Variants in MDN1 observed in about 807,000 individuals in gnomAD.
The protein encoded by MDN1 is midasin AAA ATPase 1.
A neutral mutation model predicts 669.2 loss-of-function variants in MDN1; 266 were observed. That is an observed-to-expected ratio of 0.40 (90% CI 0.36 to 0.44). The LOEUF is 0.44. Among genes scored for constraint, MDN1 ranks in the 20% least tolerant of loss-of-function variants. The probability of loss-of-function intolerance (pLI) is 1.00; values close to 1 mark genes in which losing one functional copy is unlikely to be tolerated. For synonymous variants in MDN1, 2,385 were observed against 2,457.1 expected, an observed-to-expected ratio of 0.97 and a Z score of 0.87; for missense variants, 5,940 against 6,754.0, an observed-to-expected ratio of 0.88 and a Z score of 4.22.
Position 89,658,093 on chromosome 6 carries a change from CAAACAACAAAAT to C in MDN1, c.15183+104_15183+115del, listed in dbSNP as rs1809453304. On this transcript the variant is annotated intron_variant, in intron 90 of 101. Transcript: ENST00000369393. ...GGTCTGTTAGATGTCAACAACAAAA[CAAACAACAAAAT>C]AACCAAACATAAACCAACTAATGCT... 4 of 1,305,260 alleles carry C rather than the reference CAAACAACAAAAT, an allele frequency of 3.1e-6. No individual in the cohort carries two copies. In the South Asian group the frequency reaches 5.4e-5, roughly 18 times the overall value. 80.9% of individuals were successfully genotyped at this position (1,305,260 alleles called of 1,614,324 possible).
rs1478637126 is a variant in MDN1, at chr6:89,762,525, T to A, written c.2150A>T (p.Lys717Ile). ...CCAAATAAGCTTATGGTCCACCGGTTTATAACTGAAACAGACACAGGTAAA... is the reference window on the plus strand; with the variant it reads ...CCAAATAAGCTTATGGTCCACCGGTATATAACTGAAACAGACACAGGTAAA... ...SDTADLLGGYKPVDHKLIWLP... is the reference protein window; with the variant it reads ...SDTADLLGGYIPVDHKLIWLP... Residue 717 changes from lysine to isoleucine, a missense_variant, in exon 16 of 102, where the codon AAA becomes ATA. Physicochemically the swap from Lys to Ile is moderately radical, Grantham distance 102 (BLOSUM62 -3). Around this residue, in one of 5 missense-constraint regions of MDN1, gnomAD observed 1,203 missense variants for 1,268.9 expected, o/e 0.95. Coordinates refer to ENST00000369393, the MANE Select transcript of MDN1 (RefSeq NM_014611.3). 1 of 1,609,286 alleles carries A rather than the reference T, an allele frequency of 6.2e-7. No homozygotes were observed. The highest frequency in any genetic ancestry group is 1.7e-5 in the Admixed American group (1 of 59,410).
intron 15 of MDN1, among the ~76,000 whole-genome samples, chr6:89,763,332 CAAA>C (rs35383804): frequency 1.2e-4 from 12 of 97,082 alleles, no homozygotes; most frequent in South Asian, 3.6e-4. Context: ...GTAGGGCACG[CAAA>C]AAAAAAAAAA....
chr6:89,724,869 A>G (rs1031054583), intron 38 of MDN1, among the ~76,000 whole-genome samples: 19 of 152,230 alleles, frequency 1.2e-4, no homozygotes, highest in East Asian at 1.9e-4. Context: ...TTCAATAAAA[A>G]TTTTTCTTAT....
At chr6:89,725,695 T>C (rs1207768280) in intron 37 of MDN1, among the ~76,000 whole-genome samples, 1 of 151,170 alleles carries the variant, frequency 6.6e-6, no homozygotes, top group African/African-American at 2.4e-5. Context: ...CTCAGCCTGC[T>C]GCATAGCTGT....
In MDN1 at chr6:89,738,369, A is replaced by G. The variant is rs765908860; in HGVS notation, c.4680T>C (p.His1560=). ...CCAGACACAATCCTGGACGAAGATT[A>G]TGACTGATGATCTGAATTAAATCTT... The part of the protein sequence containing the change: ...SREDLIQIIS[H]NLRPGLCLGR... Residue 1560 remains histidine, a synonymous_variant, in exon 33 of 102, where the codon CAT becomes CAC. Coordinates refer to ENST00000369393, the MANE Select transcript of MDN1 (RefSeq NM_014611.3). 1.9e-6 allele frequency: 3 copies of G among 1,613,902 alleles called. No homozygotes were observed. The South Asian group carries it at 3.3e-5, about 18-fold the overall frequency.
intron 83 of MDN1, among the ~76,000 whole-genome samples, chr6:89,670,063 C>A (rs560780578): frequency 5.4e-4 from 76 of 141,696 alleles, no homozygotes; most frequent in African/African-American, 2.0e-3. Context: ...ATTAGCCAGG[C>A]GTGGTGGCAC....
At chr6:89,754,289 A>G in intron 20 of MDN1, 59 bp from the exon 21 acceptor site, 9 of 1,532,598 alleles carry the variant, frequency 5.9e-6, no homozygotes, top group Non-Finnish European at 8.0e-6. Flanking sequence ...AGTATTATCA[A>G]TTCTCTACAG....
At chr6:89,714,017 C>T (rs572184918) in intron 46 of MDN1, among the ~76,000 whole-genome samples, 2 of 144,970 alleles carry the variant, frequency 1.4e-5, no homozygotes, top group East Asian at 2.0e-4. Context: ...CCAGCCTGGG[C>T]GACAGAGTGA....
intron 1 of MDN1, among the ~76,000 whole-genome samples, chr6:89,818,818 A>C (rs1469201594): frequency 4.6e-5 from 7 of 151,984 alleles, no homozygotes; most frequent in Non-Finnish European, 8.8e-5. Context: ...AAAAAAAAAA[A>C]AAAAGTGTCT....
intron 1 of MDN1, among the ~76,000 whole-genome samples, chr6:89,805,544 C>G (rs1433585557): frequency 6.6e-6 from 1 of 152,050 alleles, no homozygotes; most frequent in Non-Finnish European, 1.5e-5. Flanking sequence ...AGCCCTGTCT[C>G]CCCCCACAAC....
chr6:89,732,909 A>C lies in MDN1; in HGVS notation c.4724-134T>G. ...AGCAAAGTTCTGTGAATGAATGTAC[A>C]TAAATGCTGTTTCTAACAAAAGCAG... is the stretch of plus-strand genomic sequence containing the variant. On this transcript the variant is annotated intron_variant, in intron 33 of 101. Coordinates refer to ENST00000369393, the MANE Select transcript of MDN1 (RefSeq NM_014611.3). 3 of 703,498 alleles carry C rather than the reference A, an allele frequency of 4.3e-6. No individual in the cohort carries two copies. In the South Asian group the frequency reaches 5.7e-5, roughly 13 times the overall value. 43.6% of individuals were successfully genotyped at this position (703,498 alleles called of 1,614,324 possible).
chr6:89,660,514 T>A (rs1268111805), intron 88 of MDN1, among the ~76,000 whole-genome samples: 1 of 152,110 alleles, frequency 6.6e-6, no homozygotes, highest in Non-Finnish European at 1.5e-5. Flanking sequence ...TTATCTATTA[T>A]TTAATTAGCA....
chr6:89,661,953 A>G (rs1809798719), intron 87 of MDN1, 134 bp downstream of exon 87: 1 of 1,023,612 alleles, frequency 9.8e-7, no homozygotes, highest in Non-Finnish European at 1.4e-6. Context: ...CCTCTGTTGC[A>G]TATTCTTTTA....
chr6:89,646,324 T>TC (rs746942944), intron 100 of MDN1, among the ~76,000 whole-genome samples: 4 of 152,172 alleles, frequency 2.6e-5, no homozygotes, highest in Admixed American at 1.3e-4. Context: ...AGTGTCTAGA[T>TC]CCCCCATTGA....
rs568302192 is a variant in MDN1 at position 89,789,804 on chromosome 6, A to G, written c.1206T>C (p.Asp402=). The change falls in exon 7 of 102, where the codon GAT becomes GAC. Residue 402 remains aspartate (D), a synonymous_variant. Coordinates refer to ENST00000369393, the MANE Select transcript of MDN1 (RefSeq NM_014611.3). ...CCACGTCTAAGGGGGCATAGTCAAT[A>G]TCCTCCAGAAGGATCCAGTGGCCCA... ...ATMGHWILLE[D]IDYAPLDVVS... The G allele has an allele frequency of 5.8e-5, 93 of 1,612,986 alleles. 1 individual carries two copies. The East Asian group carries it at 9.4e-4, about 16-fold the overall frequency.
At chr6:89,729,677 GTTTTT>G (rs35914010) in intron 35 of MDN1, among the ~76,000 whole-genome samples, 9 of 100,758 alleles carry the variant, frequency 8.9e-5, no homozygotes, top group Non-Finnish European at 1.4e-4. Context: ...TTTTGTTTTC[GTTTTT>G]TTTTTTTTTT....
At chr6:89,748,317 T>G (rs1816770558) in intron 26 of MDN1, among the ~76,000 whole-genome samples, 1 of 152,140 alleles carries the variant, frequency 6.6e-6, no homozygotes, top group Admixed American at 6.5e-5. Flanking sequence ...AGAGTGAGGC[T>G]CTGTCTCAAA....
chr6:89,694,103 G>T lies in MDN1; in HGVS notation c.9852C>A (p.Val3284=). 1 of 1,614,160 alleles carries T rather than the reference G, an allele frequency of 6.2e-7. No homozygotes were observed. The highest frequency in any genetic ancestry group is 8.5e-7 in the Non-Finnish European group (1 of 1,180,012). The change falls in exon 62 of 102, where the codon GTC becomes GTA. Residue 3284 remains valine, a synonymous_variant. Transcript: ENST00000369393. ...LQTGRDLEDE[V]VVSYSHPHVR... Reference sequence around the variant, plus strand: ...CGTGAGGATGAGAGTAGCTGACAACGACTTCATCTTCCAGGTCTCTTCCAG... The same window carrying T: ...CGTGAGGATGAGAGTAGCTGACAACTACTTCATCTTCCAGGTCTCTTCCAG...
At chr6:89,754,302 A>T in intron 20 of MDN1, 72 bp from the exon 21 acceptor site, 1 of 1,467,724 alleles carries the variant, frequency 6.8e-7, no homozygotes, top group Non-Finnish European at 9.2e-7. Flanking sequence ...CTCTACAGAA[A>T]ACCCAAAGGA....
Sources: allele counts gnomAD v4.1 joint callset (sites outside exome capture counted in the v4.1 genomes callset), GRCh38; gene constraint gnomAD v4.1.1; regional missense constraint gnomAD v4.1.1; transcripts MANE v1.5; gene names NCBI Gene and HGNC (gene_info 2026-07-23, HGNC 2026-07-21).